The following NOM1 variants were observed in gnomAD, a reference collection of about 807,000 sequenced individuals.
The protein encoded by NOM1 is nucleolar MIF4G domain-containing protein 1.
NOM1 carries 58 observed loss-of-function variants against 73.3 expected under a neutral mutation model. The ratio of observed to expected loss-of-function variants is 0.79; its 90% confidence interval spans 0.64 to 0.99. The LOEUF is 0.99. Ranked by LOEUF, NOM1 falls within the 50% of genes least tolerant of loss-of-function variation. NOM1 has a pLI of 0.00. For synonymous variants in NOM1, 487 were observed against 446.8 expected (o/e 1.09, Z -1.14); for missense variants, 1,226 against 1,131.9 (o/e 1.08, Z -1.19).
chr7:156,955,576 A>T (rs768344617), intron 3 of NOM1, among the ~76,000 whole-genome samples: 1 of 152,120 alleles, frequency 6.6e-6, no homozygotes, highest in Non-Finnish European at 1.5e-5. Context: ...CTAAAAGTCT[A>T]ATTACCTGGT....
At chr7:156,969,302 C>G (rs534520419) in intron 10 of NOM1, 106 bp downstream of exon 10, 29 of 785,340 alleles carry the variant, frequency 3.7e-5, no homozygotes, top group East Asian at 1.0e-4. Context: ...GTAGCTTAAT[C>G]TTTTCGGTTT....
In NOM1 at chr7:156,954,236, A is replaced by G. The variant is rs746663449; in HGVS notation, c.1246A>G (p.Ser416Gly). ...GACVTASAMPSRLMMEHVLLV... is the reference protein window; with the variant it reads ...GACVTASAMPGRLMMEHVLLV... Reference sequence around the variant, plus strand: ...CTGCGTCACTGCCTCGGCCATGCCCAGCAGACTGATGATGGAGCATGTTCT... The same window carrying G: ...CTGCGTCACTGCCTCGGCCATGCCCGGCAGACTGATGATGGAGCATGTTCT... The change falls in exon 3 of 11, where the codon AGC becomes GGC. Residue 416 changes from serine to glycine, a missense_variant. Transcript: ENST00000275820. The G allele has an allele frequency of 2.5e-6, 4 of 1,612,796 alleles. No homozygotes were observed. The African/African-American group carries it at 5.3e-5, about 22-fold the overall frequency.
rs1369732914 is a variant in NOM1, at chr7:156,962,503, AC to A, written c.1743+246del. On this transcript the variant is annotated intron_variant, in intron 5 of 10. Coordinates refer to ENST00000275820, the MANE Select transcript of NOM1 (RefSeq NM_138400.2). The stretch of plus-strand genomic sequence containing the variant: ...GTTGGGCGAGCGTCCTCTTTGCCTC[AC>A]CCCGGGTGCTAAACTTGGGCTGCAC... Among the ~76,000 whole-genome samples, 4 of 152,210 alleles carry A rather than the reference AC, an allele frequency of 2.6e-5. No homozygotes were observed. In the East Asian group the frequency reaches 7.7e-4, roughly 29 times the overall value.
chr7:156,950,552 A>G lies in NOM1; in HGVS notation c.815A>G (p.Lys272Arg). The change falls in exon 1 of 11, where the codon AAG becomes AGG. Residue 272 changes from lysine (K) to arginine (R), a missense_variant. Physicochemically the swap from Lys to Arg is conservative, Grantham distance 26. Coordinates refer to ENST00000275820, the MANE Select transcript of NOM1 (RefSeq NM_138400.2). Reference sequence around the variant, plus strand: ...GAGGGAGACGTAGAAAAGGAAAAGAAGGCGCAGGAAGCAGAAGCGCAGAGC... The same window carrying G: ...GAGGGAGACGTAGAAAAGGAAAAGAGGGCGCAGGAAGCAGAAGCGCAGAGC... ...EEEGDVEKEK[K>R]AQEAEAQSED... is the part of the protein sequence containing the mutation. 1 of 1,612,076 alleles carries G rather than the reference A, an allele frequency of 6.2e-7. No homozygotes were observed. Among genetic ancestry groups the G allele is most frequent in the Non-Finnish European group, 8.5e-7 (1 of 1,178,852 alleles).
intron 3 of NOM1, among the ~76,000 whole-genome samples, chr7:156,957,692 G>A (rs998759064): frequency 2.7e-5 from 4 of 148,300 alleles, no homozygotes; most frequent in Admixed American, 1.4e-4. Flanking sequence ...GGAGGATGGC[G>A]TGAACCCAGC....
At chr7:156,962,380 TG>T in intron 5 of NOM1, 119 bp downstream of exon 5, 5 of 821,150 alleles carry the variant, frequency 6.1e-6, no homozygotes, top group Non-Finnish European at 1.0e-5. Context: ...TGAGTGAGAG[TG>T]CTCAGAGGCA....
chr7:156,960,145 G>T lies in NOM1; in HGVS notation c.1603G>T (p.Ala535Ser). Reference sequence around the variant, plus strand: ...TGAAGCCCAGACCAAAGCCAGCGGGGCAGGCAGCGAGTTTCAGGACCAGAC... The same window carrying T: ...TGAAGCCCAGACCAAAGCCAGCGGGTCAGGCAGCGAGTTTCAGGACCAGAC... ...ITEAQTKASGAGSEFQDQTRI... is the reference protein window; with the variant it reads ...ITEAQTKASGSGSEFQDQTRI... The change falls in exon 4 of 11, where the codon GCA becomes TCA. Residue 535 changes from alanine to serine, a missense_variant. Coordinates refer to ENST00000275820, the MANE Select transcript of NOM1 (RefSeq NM_138400.2). 1 of 1,613,552 alleles carries T rather than the reference G, an allele frequency of 6.2e-7. No individual in the cohort carries two copies. Among genetic ancestry groups the T allele is most frequent in the Non-Finnish European group, 8.5e-7 (1 of 1,179,922 alleles).
chr7:156,967,897 ACT>A (rs1447606467), intron 9 of NOM1, among the ~76,000 whole-genome samples: 4 of 142,500 alleles, frequency 2.8e-5, no homozygotes, highest in Admixed American at 2.1e-4. Context: ...GGACCAACAG[ACT>A]CTGAATAGCC....
At position 156,963,918 on chromosome 7, in the gene NOM1, T is replaced by A; in HGVS notation, c.1925T>A (p.Ile642Asn). ...TCGTGCTTCCAGGTCAGTTCAAAGA[T>A]CCTAGAACTCGCCCGGAAGCAGAGG... ...KQLVGTVSSK[I>N]LELARKQRMN... is the part of the protein sequence containing the mutation. Residue 642 changes from isoleucine to asparagine, a missense_variant, in exon 7 of 11, where the codon ATC becomes AAC. Transcript: ENST00000275820. The A allele has an allele frequency of 6.2e-7, 1 of 1,613,966 alleles. No individual in the cohort carries two copies. The highest frequency in any genetic ancestry group is 8.5e-7 in the Non-Finnish European group (1 of 1,179,932).
chr7:156,956,819 A>G (rs1465589107), intron 3 of NOM1, among the ~76,000 whole-genome samples: 1 of 152,204 alleles, frequency 6.6e-6, no homozygotes, highest in Non-Finnish European at 1.5e-5. Context: ...TTACAAAGTG[A>G]TGGAATCACT....
At chr7:156,965,722 C>G (rs1219379134) in intron 7 of NOM1, among the ~76,000 whole-genome samples, 1 of 152,166 alleles carries the variant, frequency 6.6e-6, no homozygotes, top group Non-Finnish European at 1.5e-5. Flanking sequence ...TCGAGAGCAG[C>G]CTGGCCAACA....
At chr7:156,968,200 G>A (rs574676775) in intron 9 of NOM1, among the ~76,000 whole-genome samples, 14 of 152,230 alleles carry the variant, frequency 9.2e-5, no homozygotes, top group Admixed American at 3.9e-4. Context: ...CTCCCCCTCC[G>A]CTCCCCTGCC....
chr7:156,954,679 T>C (rs1209618283), intron 3 of NOM1, among the ~76,000 whole-genome samples: 1 of 152,020 alleles, frequency 6.6e-6, no homozygotes, highest in African/African-American at 2.4e-5. Flanking sequence ...GCTAATTGTT[T>C]TGGTGGGAGC....
intron 4 of NOM1, among the ~76,000 whole-genome samples, chr7:156,960,556 T>C (rs1804839166): frequency 6.6e-6 from 1 of 152,054 alleles, no homozygotes. Context: ...CCACATTGTG[T>C]GCCGTTCAGA....
At chr7:156,950,864 C>G (rs1166080584) in intron 1 of NOM1, 140 bp downstream of exon 1, 1 of 728,512 alleles carries the variant, frequency 1.4e-6, no homozygotes, top group African/African-American at 1.8e-5. Flanking sequence ...GAGTACGTTA[C>G]TCTATTCGGT....
chr7:156,959,103 G>T (rs1804797528), intron 3 of NOM1, among the ~76,000 whole-genome samples: 1 of 100,296 alleles, frequency 1.0e-5, no homozygotes, highest in Admixed American at 1.2e-4. Flanking sequence ...TTAGGTAGTG[G>T]AACTTTTTTT....
rs1031874838 is a variant in NOM1, at chr7:156,967,097, G to T, written c.2298+5G>T. On this transcript the variant is annotated splice_donor_5th_base_variant and intron_variant, in intron 9 of 10. Coordinates refer to ENST00000275820, the MANE Select transcript of NOM1 (RefSeq NM_138400.2). ...CTTTCCCTTTCCATCTTAAAGGTTC[G>T]TGTAACGTGTGAAAATATTGAAAGC... 1.2e-6 allele frequency: 2 copies of T among 1,610,422 alleles called. No individual in the cohort carries two copies. The highest frequency in any genetic ancestry group is 1.7e-6 in the Non-Finnish European group (2 of 1,178,878).
At position 156,954,861 on chromosome 7, in the gene NOM1, A is replaced by G. The variant is rs116899983; in HGVS notation, c.1308+563A>G. Among the ~76,000 whole-genome samples, 857 of 152,264 alleles carry G rather than the reference A, an allele frequency of 5.6e-3. 3 individuals are homozygous for G. The highest frequency in any genetic ancestry group is 8.7e-3 in the Non-Finnish European group (590 of 68,020). On this transcript the variant is annotated intron_variant, in intron 3 of 10. Transcript: ENST00000275820. The stretch of plus-strand genomic sequence containing the variant: ...TGTTAGTTAATTTTCTTCTCGACTG[A>G]CATCTCAGACGTGCCTTCATTTCCT...
chr7:156,955,409 T>G (rs916897009), intron 3 of NOM1, among the ~76,000 whole-genome samples: 2 of 152,208 alleles, frequency 1.3e-5, no homozygotes, highest in African/African-American at 4.8e-5. Flanking sequence ...GTTGGGTCAG[T>G]GAGGCTTAGT....
Sources: gnomAD v4.1 joint callset for allele counts (sites outside exome capture counted in the v4.1 genomes callset) on GRCh38, gnomAD v4.1.1 for gene constraint, MANE v1.5 for transcripts, NCBI Gene and HGNC (gene_info 2026-07-23, HGNC 2026-07-21) for gene names.